The following NINL variants were observed in gnomAD, a reference collection of about 807,000 sequenced individuals.
NINL encodes the protein ninein-like protein.
In NINL, 153 loss-of-function variants were observed where a neutral mutation model predicts 160.3. The observed-to-expected ratio is 0.95, with a 90% confidence interval of 0.84 to 1.09. The LOEUF (loss-of-function observed/expected upper bound fraction) is 1.09. Ranked by LOEUF, NINL falls within the 50% of genes least tolerant of loss-of-function variation. NINL has a pLI of 0.00. For synonymous variants in NINL, 800 were observed against 734.8 expected, an observed-to-expected ratio of 1.09 and a Z score of -1.43; for missense variants, 1,829 against 1,764.0, an observed-to-expected ratio of 1.04 and a Z score of -0.66.
intron 1 of NINL, among the ~76,000 whole-genome samples, chr20:25,582,693 T>G (rs1423212049): frequency 1.3e-5 from 2 of 152,202 alleles, no homozygotes; most frequent in African/African-American, 2.4e-5. Flanking sequence ...GAAAGTAGAC[T>G]GCTTCTCTAA....
chr20:25,469,893 G>T, intron 18 of NINL, 98 bp downstream of exon 18: 1 of 807,230 alleles, frequency 1.2e-6, no homozygotes, highest in South Asian at 1.5e-5. Flanking sequence ...GGGCTAATCT[G>T]AGAACACTTC....
intron 13 of NINL, among the ~76,000 whole-genome samples, chr20:25,483,195 G>A (rs1355971638): frequency 4.0e-5 from 6 of 149,604 alleles, no homozygotes; most frequent in Non-Finnish European, 7.4e-5. Context: ...CTAGCCAGGC[G>A]TGGTGGTGGG....
intron 10 of NINL, among the ~76,000 whole-genome samples, chr20:25,491,823 C>T (rs1207741558): frequency 6.6e-6 from 1 of 152,194 alleles, no homozygotes; most frequent in Non-Finnish European, 1.5e-5. Context: ...CCAAGGTGGC[C>T]CCTCCACCCG....
At chr20:25,513,323 T>C (rs569075724) in intron 3 of NINL, among the ~76,000 whole-genome samples, 2 of 152,352 alleles carry the variant, frequency 1.3e-5, no homozygotes, top group African/African-American at 2.4e-5. Context: ...TAGCTATCTA[T>C]GCAAAGGAGC....
intron 21 of NINL, among the ~76,000 whole-genome samples, chr20:25,459,420 GAC>G (rs1181058004): frequency 6.6e-6 from 1 of 152,176 alleles, no homozygotes; most frequent in Non-Finnish European, 1.5e-5. Context: ...ACCCCAGAGA[GAC>G]ACACCTGCAC....
At chr20:25,489,745 C>T in intron 12 of NINL, 130 bp downstream of exon 12, 3 of 719,578 alleles carry the variant, frequency 4.2e-6, no homozygotes, top group South Asian at 3.3e-5. Context: ...CTGACTTTCT[C>T]TTCATTCTAA....
Position 25,453,222 on chromosome 20 carries a change from C to G in NINL, c.*229G>C. 1 of 404,460 alleles carries G rather than the reference C, an allele frequency of 2.5e-6. No homozygotes were observed. The highest frequency in any genetic ancestry group is 4.3e-6 in the Non-Finnish European group (1 of 229,976). The allele number at this position is 404,460 out of a possible 1,614,324, so 25.1% of individuals were successfully genotyped here. On this transcript the variant is annotated 3_prime_UTR_variant, in exon 24 of 24. Transcript: ENST00000278886. ...CTGGGAATTTTGCCAAGGGAAATTA[C>G]TCAGGACCGCTAATAAAAACGCCGG...
chr20:25,580,328 C>T (rs1279648203), intron 1 of NINL, among the ~76,000 whole-genome samples: 2 of 148,580 alleles, frequency 1.3e-5, no homozygotes, highest in East Asian at 3.9e-4. Context: ...AGTGAGACTC[C>T]ACCTAAAAAA....
intron 13 of NINL, among the ~76,000 whole-genome samples, chr20:25,487,087 T>C: frequency 6.6e-6 from 1 of 152,202 alleles, no homozygotes; most frequent in East Asian, 1.9e-4. Context: ...CTAAAACCAG[T>C]TGTGCTGTGG....
intron 3 of NINL, among the ~76,000 whole-genome samples, chr20:25,515,931 C>T (rs1021432927): frequency 5.3e-5 from 8 of 152,152 alleles, no homozygotes; most frequent in African/African-American, 1.4e-4. Flanking sequence ...CCACCATGCC[C>T]GGCTAATTTT....
At chr20:25,485,253 T>C (rs2146621621) in intron 13 of NINL, among the ~76,000 whole-genome samples, 1 of 152,304 alleles carries the variant, frequency 6.6e-6, no homozygotes, top group South Asian at 2.1e-4. Context: ...TGAGAAAATA[T>C]TCTCATTCAG....
chr20:25,498,166 G>C lies in NINL; in HGVS notation c.1169+44C>G, dbSNP rs747852496. ...CCAGACCCCCCTCCAGGCCCACCTG[G>C]CCAGCCACACTGCCACGTTCCCCAG... On this transcript the variant is annotated intron_variant, in intron 9 of 23. Transcript: ENST00000278886. The C allele has an allele frequency of 2.5e-6, 4 of 1,605,978 alleles. No individual in the cohort carries two copies. In the South Asian group the frequency reaches 4.4e-5, roughly 18 times the overall value.
chr20:25,527,395 C>T (rs1477291418), intron 1 of NINL, among the ~76,000 whole-genome samples: 1 of 152,058 alleles, frequency 6.6e-6, no homozygotes, highest in African/African-American at 2.4e-5. Flanking sequence ...CTCAAGTGAT[C>T]GCCTGCCTTG....
At chr20:25,491,249 G>T in intron 11 of NINL, 102 bp downstream of exon 11, 1 of 1,365,518 alleles carries the variant, frequency 7.3e-7, no homozygotes. Context: ...AAGCTTGAGG[G>T]CACTGGCAGG....
intron 1 of NINL, among the ~76,000 whole-genome samples, chr20:25,547,843 T>C (rs1351631510): frequency 6.6e-6 from 1 of 152,198 alleles, no homozygotes; most frequent in Admixed American, 6.5e-5. Flanking sequence ...GCAGGCTTCA[T>C]ACACGCTGAT....
chr20:25,538,909 GGCA>G (rs1426403780), intron 1 of NINL, among the ~76,000 whole-genome samples: 1 of 152,152 alleles, frequency 6.6e-6, no homozygotes, highest in Non-Finnish European at 1.5e-5. Context: ...GACCAAGGGT[GGCA>G]GCAGAAGACA....
At chr20:25,549,688 C>T (rs2064783910) in intron 1 of NINL, among the ~76,000 whole-genome samples, 1 of 152,242 alleles carries the variant, frequency 6.6e-6, no homozygotes, top group African/African-American at 2.4e-5. Flanking sequence ...GCACAATGCA[C>T]TCAGCTGAGC....
In NINL at chr20:25,504,021, A is replaced by T; in HGVS notation, c.792T>A (p.Ser264Arg). The change falls in exon 7 of 24, where the codon AGT (serine) becomes AGA (arginine). Residue 264 changes from serine to arginine, a missense_variant. By Grantham distance (110) the Ser-to-Arg change is moderately radical. Coordinates refer to ENST00000278886, the MANE Select transcript of NINL (RefSeq NM_025176.6). Reference sequence around the variant, plus strand: ...ACTCTAGAAGTAGCGCGGGCTCATGACTGAAGAGGCCAAGCTGGAATTCCT... The same window carrying T: ...ACTCTAGAAGTAGCGCGGGCTCATGTCTGAAGAGGCCAAGCTGGAATTCCT... ...SLEEFQLGLF[S>R]HEPALLLESS... 6.2e-7 allele frequency: 1 copy of T among 1,613,526 alleles called. No homozygotes were observed. Among genetic ancestry groups the T allele is most frequent in the Non-Finnish European group, 8.5e-7 (1 of 1,179,790 alleles).
rs748603853 is a variant in NINL, at chr20:25,510,751, A to G, written c.451-11T>C. 1.2e-6 allele frequency: 2 copies of G among 1,608,976 alleles called. No individual in the cohort carries two copies. Among genetic ancestry groups the G allele is most frequent in the Middle Eastern group, 1.7e-4 (1 of 5,834 alleles). On this transcript the variant is annotated splice_polypyrimidine_tract_variant and intron_variant, in intron 4 of 23. Transcript: ENST00000278886. ...ATCTGACTTGGGACTCTGTAGAAAG[A>G]TGCAGAGAGAAGGCTGTGAGTTCCA...
Sources: gnomAD v4.1 joint callset for allele counts (sites outside exome capture counted in the v4.1 genomes callset) on GRCh38, gnomAD v4.1.1 for gene constraint, MANE v1.5 for transcripts, NCBI Gene and HGNC (gene_info 2026-07-23, HGNC 2026-07-21) for gene names.